The following MCTP2 variants were observed in gnomAD, a reference collection of about 807,000 sequenced individuals.
The protein encoded by MCTP2 is multiple C2 and transmembrane domain containing 2.
Under a neutral mutation model 111.6 loss-of-function variants are expected in MCTP2, and 132 were observed. That is an observed-to-expected ratio of 1.18 (90% confidence interval 1.03 to 1.37). The LOEUF (loss-of-function observed/expected upper bound fraction) is 1.37, where lower values mean the gene tolerates loss of function less well. MCTP2 is among the 40% of genes most tolerant of loss of function. The pLI is 0.00. For synonymous variants in MCTP2, 395 were observed against 387.7 expected (o/e 1.02, Z -0.22); for missense variants, 1,183 against 1,067.9 (o/e 1.11, Z -1.50).
At chr15:94,237,260 A>G (rs532608483) in intron 1 of MCTP2, among the ~76,000 whole-genome samples, 2 of 152,336 alleles carry the variant, frequency 1.3e-5, no homozygotes, top group African/African-American at 4.8e-5. Context: ...AGTTGCTGTA[A>G]CAACTGAATA....
intron 4 of MCTP2, among the ~76,000 whole-genome samples, chr15:94,318,004 A>G (rs2076451129): frequency 6.6e-6 from 1 of 152,130 alleles, no homozygotes; most frequent in South Asian, 2.1e-4. Context: ...CTTGGGGCAG[A>G]TAGCATTTTA....
In MCTP2 at chr15:94,243,436, CAT is replaced by C. The variant is rs1377351500; in HGVS notation, c.-66+11774_-66+11775del. ...ATACGTATGCGTATATGCGTATGTA[CAT>C]ACATACGTATGCGTACATGCGTATG... is the stretch of plus-strand genomic sequence containing the variant. On this transcript the variant is annotated intron_variant, in intron 1 of 22. Coordinates refer to ENST00000357742, the MANE Select transcript of MCTP2 (RefSeq NM_001385001.1). Among the ~76,000 whole-genome samples the C allele has an allele frequency of 6.6e-5, 9 of 136,834 alleles. 1 individual carries two copies. Among genetic ancestry groups the C allele is most frequent in the African/African-American group, 1.7e-4 (6 of 35,226 alleles). 89.8% of individuals were successfully genotyped at this position (136,834 alleles called of 152,430 possible). A position where few individuals can be genotyped will look rare whatever the true frequency, so the allele number is the denominator to read the frequency against.
chr15:94,252,542 G>A (rs62017632), intron 1 of MCTP2, among the ~76,000 whole-genome samples: 3 of 152,214 alleles, frequency 2.0e-5, no homozygotes, highest in African/African-American at 7.2e-5. Context: ...TAATTAGGCT[G>A]TGCTGTGGTA....
intron 4 of MCTP2, among the ~76,000 whole-genome samples, chr15:94,319,263 G>A (rs1446476138): frequency 6.6e-6 from 1 of 152,026 alleles, no homozygotes; most frequent in Non-Finnish European, 1.5e-5. Flanking sequence ...TTCAAGAAGG[G>A]GTCCTCATTA....
In MCTP2 at chr15:94,416,204, A is replaced by G. The variant is rs1454343454; in HGVS notation, c.2085+14185A>G. 2.6e-5 allele frequency among the ~76,000 whole-genome samples: 4 copies of G among 152,164 alleles called. No homozygotes were observed. In the East Asian group the frequency reaches 7.7e-4, roughly 29 times the overall value. On this transcript the variant is annotated intron_variant, in intron 17 of 22. Transcript: ENST00000357742. ...ACGTAGCTTCCGAAAGAGACCTGCA[A>G]GGATTCCCTGTAATTCAAGATGGTA...
At chr15:94,370,047 A>T in intron 11 of MCTP2, 40 bp from the exon 12 acceptor site, 1 of 1,430,368 alleles carries the variant, frequency 7.0e-7, no homozygotes, top group East Asian at 2.3e-5. Context: ...GTAGTATATT[A>T]AAAAGCTGTT....
chr15:94,259,603 C>T (rs2073059386), intron 1 of MCTP2, among the ~76,000 whole-genome samples: 1 of 152,142 alleles, frequency 6.6e-6, no homozygotes, highest in Admixed American at 6.5e-5. Context: ...ATACTGTCTC[C>T]AAACCATTTA....
At chr15:94,407,044 C>G (rs1006933177) in intron 17 of MCTP2, among the ~76,000 whole-genome samples, 70 of 151,796 alleles carry the variant, frequency 4.6e-4, no homozygotes, top group African/African-American at 1.6e-3. Context: ...ATTATTTGAT[C>G]ATAATAAAGA....
intron 4 of MCTP2, among the ~76,000 whole-genome samples, chr15:94,329,574 G>A (rs1252513253): frequency 1.3e-5 from 2 of 152,126 alleles, no homozygotes; most frequent in African/African-American, 4.8e-5. Flanking sequence ...CGGATCTCTT[G>A]AGAATTCGCT....
chr15:94,245,211 C>A (rs563310564), intron 1 of MCTP2, among the ~76,000 whole-genome samples: 1 of 137,330 alleles, frequency 7.3e-6, no homozygotes. Context: ...TATATTTATA[C>A]ATATGTGTAT....
At chr15:94,306,125 G>A (rs1035755260) in intron 2 of MCTP2, among the ~76,000 whole-genome samples, 4 of 152,188 alleles carry the variant, frequency 2.6e-5, no homozygotes, top group East Asian at 1.9e-4. Context: ...GATGAATGGG[G>A]AGGTTATTCT....
intron 8 of MCTP2, among the ~76,000 whole-genome samples, chr15:94,349,738 T>C (rs2078196557): frequency 1.4e-5 from 2 of 147,902 alleles, no homozygotes; most frequent in Non-Finnish European, 3.0e-5. Context: ...GAGAATGGTG[T>C]GAACCTGGGA....
chr15:94,365,004 A>G (rs1309363355), intron 10 of MCTP2, among the ~76,000 whole-genome samples: 1 of 152,192 alleles, frequency 6.6e-6, no homozygotes, highest in Non-Finnish European at 1.5e-5. Context: ...GAGTTACAGA[A>G]TGTTTATAAA....
At chr15:94,268,675 G>T (rs951461095) in intron 1 of MCTP2, among the ~76,000 whole-genome samples, 43 of 151,722 alleles carry the variant, frequency 2.8e-4, no homozygotes, top group African/African-American at 9.9e-4. Context: ...ACACTGCCTT[G>T]CTATCCATGA....
At chr15:94,333,850 TC>T (rs2077237316) in intron 4 of MCTP2, among the ~76,000 whole-genome samples, 1 of 152,216 alleles carries the variant, frequency 6.6e-6, no homozygotes, top group African/African-American at 2.4e-5. Flanking sequence ...TACAGCTCTT[TC>T]TTTCTAGGAC....
At chr15:94,433,455 A>G (rs1296123283) in intron 17 of MCTP2, among the ~76,000 whole-genome samples, 1 of 152,142 alleles carries the variant, frequency 6.6e-6, no homozygotes, top group African/African-American at 2.4e-5. Flanking sequence ...CAATGGTCCT[A>G]ACATACGTGA....
intron 4 of MCTP2, among the ~76,000 whole-genome samples, chr15:94,327,774 C>A (rs530715366): frequency 2.0e-5 from 3 of 152,326 alleles, no homozygotes; most frequent in African/African-American, 7.2e-5. Flanking sequence ...CATATCATCA[C>A]CGGACATGTT....
intron 9 of MCTP2, among the ~76,000 whole-genome samples, chr15:94,357,872 A>T (rs537131265): frequency 6.6e-6 from 1 of 152,344 alleles, no homozygotes; most frequent in Admixed American, 6.5e-5. Context: ...TTTGAAGAAC[A>T]CAGAAACACT....
intron 14 of MCTP2, among the ~76,000 whole-genome samples, chr15:94,391,427 C>A (rs2080969954): frequency 6.6e-6 from 1 of 152,094 alleles, no homozygotes; most frequent in Admixed American, 6.5e-5. Context: ...AAAAGTAAAT[C>A]TGTTGCCAAG....
Sources: allele counts gnomAD v4.1 joint callset (sites outside exome capture counted in the v4.1 genomes callset), GRCh38; gene constraint gnomAD v4.1.1; transcripts MANE v1.5; gene names NCBI Gene and HGNC (gene_info 2026-07-23, HGNC 2026-07-21).